Variants in KLF12 observed in about 807,000 individuals in gnomAD.
The protein encoded by KLF12 is KLF transcription factor 12.
Under a neutral mutation model 37.8 loss-of-function variants are expected in KLF12, and 9 were observed. The ratio of observed to expected loss-of-function variants is 0.24; its 90% CI spans 0.14 to 0.42. The LOEUF is 0.42. KLF12 is among the 10% of genes least tolerant of loss of function. The pLI is 1.00. For missense variants in KLF12, 411 were observed against 516.0 expected, an observed-to-expected ratio of 0.80 and a Z score of 1.97; for synonymous variants, 208 against 202.1, an observed-to-expected ratio of 1.03 and a Z score of -0.25.
At chr13:73,701,529 T>G (rs1347297019) in intron 7 of KLF12, among the ~76,000 whole-genome samples, 1 of 152,138 alleles carries the variant, frequency 6.6e-6, no homozygotes, top group African/African-American at 2.4e-5. Context: ...AGTTTTGACT[T>G]TACTTTGATT....
chr13:74,112,176 A>T (rs916687918), intron 1 of KLF12, among the ~76,000 whole-genome samples: 4 of 149,300 alleles, frequency 2.7e-5, no homozygotes, highest in African/African-American at 4.8e-5. Context: ...AAGGGCTGTT[A>T]AATAAACGTT....
intron 3 of KLF12, among the ~76,000 whole-genome samples, chr13:73,918,278 T>TTTTG (rs1267694626): frequency 6.6e-6 from 1 of 152,208 alleles, no homozygotes; most frequent in Admixed American, 6.5e-5. Context: ...ATATTCCTCC[T>TTTTG]TTTGTAACTC....
chr13:73,786,607 G>A (rs1881360595), intron 5 of KLF12, among the ~76,000 whole-genome samples: 1 of 152,086 alleles, frequency 6.6e-6, no homozygotes, highest in Non-Finnish European at 1.5e-5. Context: ...ACAAGGCCAG[G>A]TGTGGTGGCT....
At chr13:74,030,793 C>G (rs886405628) in intron 1 of KLF12, among the ~76,000 whole-genome samples, 1 of 152,064 alleles carries the variant, frequency 6.6e-6, no homozygotes, top group Admixed American at 6.6e-5. Context: ...TAGCTCATTA[C>G]AATCACAAAT....
chr13:73,844,072 A>C (rs1466201861), intron 4 of KLF12, among the ~76,000 whole-genome samples: 1 of 152,150 alleles, frequency 6.6e-6, no homozygotes, highest in East Asian at 1.9e-4. Flanking sequence ...ATGGTATGAA[A>C]GATCATGAGC....
chr13:73,740,928 G>C (rs1204213696), intron 6 of KLF12, among the ~76,000 whole-genome samples: 1 of 152,138 alleles, frequency 6.6e-6, no homozygotes, highest in Non-Finnish European at 1.5e-5. Context: ...CCCGCCCAGT[G>C]CTAACGCAGT....
intron 3 of KLF12, among the ~76,000 whole-genome samples, chr13:73,894,183 G>A (rs1048083544): frequency 1.3e-5 from 2 of 152,154 alleles, no homozygotes; most frequent in Admixed American, 6.5e-5. Flanking sequence ...GTTTGCAGAG[G>A]GGCAGGAAAC....
intron 1 of KLF12, among the ~76,000 whole-genome samples, chr13:74,109,845 GT>G (rs1555272660): frequency 6.6e-6 from 1 of 151,896 alleles, no homozygotes; most frequent in Non-Finnish European, 1.5e-5. Flanking sequence ...AAACCGATCC[GT>G]TTTTACTAAA....
At chr13:74,018,087 T>TA (rs1007659227) in intron 1 of KLF12, among the ~76,000 whole-genome samples, 3 of 149,934 alleles carry the variant, frequency 2.0e-5, no homozygotes, top group Admixed American at 6.6e-5. Context: ...ATTACTGCTT[T>TA]TTTTTTTTTT....
intron 6 of KLF12, among the ~76,000 whole-genome samples, chr13:73,748,696 A>C (rs1878536957): frequency 6.6e-6 from 1 of 152,206 alleles, no homozygotes; most frequent in African/African-American, 2.4e-5. Context: ...TGGCAGGCCA[A>C]GTTATGCCAA....
At chr13:74,299,375 A>G in the KLF12 span, among the ~76,000 whole-genome samples, 2 of 152,162 alleles carry the variant, frequency 1.3e-5, no homozygotes, top group Admixed American at 6.5e-5. Context: ...CTGTCCTTTC[A>G]CCCTATATAT....
chr13:73,809,259 T>C (rs1882803256), intron 5 of KLF12, among the ~76,000 whole-genome samples: 1 of 152,202 alleles, frequency 6.6e-6, no homozygotes, highest in Admixed American at 6.5e-5. Flanking sequence ...TTTTATCCTT[T>C]TGTTATTTAA....
At chr13:74,218,691 A>AG in the KLF12 span, among the ~76,000 whole-genome samples, 1 of 152,232 alleles carries the variant, frequency 6.6e-6, no homozygotes, top group Non-Finnish European at 1.5e-5. Context: ...ACAAAACTTC[A>AG]GGGTAGGCTT....
chr13:74,290,250 A>T, the KLF12 span, among the ~76,000 whole-genome samples: 3 of 152,182 alleles, frequency 2.0e-5, no homozygotes, highest in Non-Finnish European at 2.9e-5. Context: ...AATAAGGGGG[A>T]AAGAATAAAA....
intron 3 of KLF12, among the ~76,000 whole-genome samples, chr13:73,917,272 T>A (rs930176763): frequency 6.6e-6 from 1 of 152,194 alleles, no homozygotes; most frequent in African/African-American, 2.4e-5. Flanking sequence ...GCACTTACTA[T>A]ACTAATAAAT....
At chr13:74,165,413 C>T in the KLF12 span, among the ~76,000 whole-genome samples, 1 of 151,316 alleles carries the variant, frequency 6.6e-6, no homozygotes, top group Non-Finnish European at 1.5e-5. Flanking sequence ...ATCCTCCCAC[C>T]TCAGCCTCCC....
chr13:74,210,909 T>C, the KLF12 span, among the ~76,000 whole-genome samples: 4 of 152,048 alleles, frequency 2.6e-5, no homozygotes, highest in Admixed American at 2.6e-4. Context: ...AATCTGGCTT[T>C]CACATTTGCT....
At chr13:73,764,530 C>T (rs1879780969) in intron 6 of KLF12, among the ~76,000 whole-genome samples, 1 of 150,832 alleles carries the variant, frequency 6.6e-6, no homozygotes, top group Non-Finnish European at 1.5e-5. Flanking sequence ...AAAAAAAAAT[C>T]ACTGAGTTCG....
At chr13:74,256,707 T>TGTGTGTGTGC in the KLF12 span, among the ~76,000 whole-genome samples, 1 of 151,898 alleles carries the variant, frequency 6.6e-6, no homozygotes, top group Non-Finnish European at 1.5e-5. Context: ...TGTGTGTGTG[T>TGTGTGTGTGC]GTGTGTGTGT....
Sources: gnomAD v4.1 joint callset for allele counts (sites outside exome capture counted in the v4.1 genomes callset) on GRCh38, gnomAD v4.1.1 for gene constraint, MANE v1.5 for transcripts, NCBI Gene and HGNC (gene_info 2026-07-23, HGNC 2026-07-21) for gene names.